The following MARCHF1 variants were observed in gnomAD, a reference collection of about 807,000 sequenced individuals.
MARCHF1 encodes the protein E3 ubiquitin-protein ligase MARCHF1.
Under a neutral mutation model 54.2 loss-of-function variants are expected in MARCHF1, and 40 were observed. The observed-to-expected ratio is 0.74, with a 90% CI of 0.57 to 0.96. The LOEUF (loss-of-function observed/expected upper bound fraction) is 0.96. Among genes scored for constraint, MARCHF1 ranks in the 40% least tolerant of loss-of-function variants. MARCHF1 has a pLI of 0.00. For missense variants in MARCHF1, 586 were observed against 656.5 expected, an observed-to-expected ratio of 0.89 and a Z score of 1.17; for synonymous variants, 236 against 236.3, an observed-to-expected ratio of 1.00 and a Z score of 0.01.
intron 1 of MARCHF1, among the ~76,000 whole-genome samples, chr4:164,327,644 G>C (rs570274426): frequency 1.3e-5 from 2 of 152,306 alleles, no homozygotes; most frequent in South Asian, 4.1e-4. Flanking sequence ...TGGAGGCTGA[G>C]AGGCCAGTTT....
At chr4:163,984,423 C>T (rs983689478) in intron 3 of MARCHF1, among the ~76,000 whole-genome samples, 3 of 152,072 alleles carry the variant, frequency 2.0e-5, no homozygotes, top group Non-Finnish European at 2.9e-5. Context: ...TTTTGTTTTT[C>T]CCTCTTAAGT....
chr4:163,850,234 G>A (rs534826675), intron 4 of MARCHF1, among the ~76,000 whole-genome samples: 8 of 152,276 alleles, frequency 5.3e-5, no homozygotes, highest in Non-Finnish European at 1.2e-4. Flanking sequence ...CCCCTTCAGG[G>A]GTCTGGGTCC....
chr4:164,147,386 C>T (rs1298750863), intron 1 of MARCHF1, among the ~76,000 whole-genome samples: 2 of 145,050 alleles, frequency 1.4e-5, no homozygotes, highest in East Asian at 4.0e-4. Flanking sequence ...ATGTTTATTG[C>T]AGCATTATTC....
At chr4:164,154,592 G>A (rs975961807) in intron 1 of MARCHF1, among the ~76,000 whole-genome samples, 3 of 152,182 alleles carry the variant, frequency 2.0e-5, no homozygotes, top group Non-Finnish European at 4.4e-5. Flanking sequence ...CTTACGGGAC[G>A]GGAAGCACGC....
chr4:163,756,946 T>C (rs1422463382), intron 4 of MARCHF1, among the ~76,000 whole-genome samples: 2 of 152,146 alleles, frequency 1.3e-5, no homozygotes, highest in African/African-American at 4.8e-5. Flanking sequence ...TAAATTTATT[T>C]CTTCAGAAAC....
intron 5 of MARCHF1, among the ~76,000 whole-genome samples, chr4:163,666,684 G>C (rs1361554894): frequency 6.6e-6 from 1 of 151,574 alleles, no homozygotes; most frequent in Non-Finnish European, 1.5e-5. Flanking sequence ...GACAGAAGAT[G>C]TCTTGTCACA....
intron 1 of MARCHF1, among the ~76,000 whole-genome samples, chr4:164,258,537 T>C (rs1490119887): frequency 6.6e-6 from 1 of 152,008 alleles, no homozygotes; most frequent in Non-Finnish European, 1.5e-5. Flanking sequence ...GGTTTGTAGG[T>C]CATTTTACCG....
At chr4:164,301,045 A>T (rs953080198) in intron 1 of MARCHF1, among the ~76,000 whole-genome samples, 2 of 152,106 alleles carry the variant, frequency 1.3e-5, no homozygotes, top group Non-Finnish European at 2.9e-5. Context: ...CTTCGGAAAG[A>T]TGCTATTTTT....
intron 1 of MARCHF1, among the ~76,000 whole-genome samples, chr4:164,236,688 GGT>G (rs997201017): frequency 1.3e-5 from 2 of 151,992 alleles, no homozygotes; most frequent in African/African-American, 4.8e-5. Context: ...AAGTGCCAAG[GGT>G]ATTGATTTTG....
Position 163,622,407 on chromosome 4 carries a change from T to C in MARCHF1, c.163-9014A>G, listed in dbSNP as rs533141305. Among the ~76,000 whole-genome samples the C allele has an allele frequency of 9.2e-5, 14 of 151,966 alleles. No homozygotes were observed. In the South Asian group the frequency reaches 2.5e-3, roughly 27 times the overall value. On this transcript the variant is annotated intron_variant, in intron 5 of 9. Transcript: ENST00000514618. ...GGAAGAAACCCTAAAAAACTGAATG[T>C]GATTAGCTTCTAAACTGGTAGAAAC...
chr4:163,892,033 T>C (rs1280342329), intron 3 of MARCHF1, among the ~76,000 whole-genome samples: 1 of 151,978 alleles, frequency 6.6e-6, no homozygotes, highest in Non-Finnish European at 1.5e-5. Context: ...AAAGAACAAA[T>C]TGAAAACCTC....
chr4:164,204,481 AT>A (rs1434178602), intron 1 of MARCHF1, among the ~76,000 whole-genome samples: 2 of 152,154 alleles, frequency 1.3e-5, no homozygotes, highest in Non-Finnish European at 2.9e-5. Flanking sequence ...AGCTTTTTAC[AT>A]TGTGTGAGTC....
chr4:163,866,598 C>G (rs1367688488), intron 3 of MARCHF1, among the ~76,000 whole-genome samples: 2 of 149,858 alleles, frequency 1.3e-5, no homozygotes, highest in African/African-American at 4.9e-5. Flanking sequence ...AACCGTTTAC[C>G]CAGAGGTAGT....
At chr4:164,343,767 C>T (rs116108949) in intron 1 of MARCHF1, among the ~76,000 whole-genome samples, 1,930 of 152,220 alleles carry the variant, frequency 0.013, 33 homozygotes, top group African/African-American at 0.044. Flanking sequence ...AACACTTATA[C>T]ATTGCTGATG....
At chr4:163,614,979 G>T (rs1741464548) in intron 5 of MARCHF1, among the ~76,000 whole-genome samples, 2 of 152,114 alleles carry the variant, frequency 1.3e-5, no homozygotes, top group Admixed American at 6.6e-5. Flanking sequence ...GCTAGAAAAT[G>T]AGTTCTAGAG....
At chr4:164,027,970 A>T (rs947957715) in intron 2 of MARCHF1, among the ~76,000 whole-genome samples, 3 of 152,192 alleles carry the variant, frequency 2.0e-5, no homozygotes, top group Non-Finnish European at 4.4e-5. Context: ...TGGCCAACAA[A>T]CGTGTGAGAA....
At chr4:164,141,629 T>C (rs926043363) in intron 1 of MARCHF1, among the ~76,000 whole-genome samples, 1 of 152,180 alleles carries the variant, frequency 6.6e-6, no homozygotes, top group African/African-American at 2.4e-5. Context: ...CACCTGGCGG[T>C]GCGCAAGCTT....
rs568801792 is a variant in MARCHF1, at chr4:163,571,355, T to C, written c.1191+14394A>G. Among the ~76,000 whole-genome samples the C allele has an allele frequency of 8.4e-4, 128 of 152,276 alleles. 1 individual carries two copies. Among genetic ancestry groups the C allele is most frequent in the Admixed American group, 5.2e-3 (79 of 15,276 alleles). ...GTCAGAAGATTCTGGTCTTGTCCAC[T>C]ACTAAAATCTTAGGCCAGGTACAAT... On this transcript the variant is annotated intron_variant, in intron 8 of 9. Transcript: ENST00000514618.
At chr4:163,982,489 G>C (rs1165164503) in intron 3 of MARCHF1, among the ~76,000 whole-genome samples, 1 of 152,206 alleles carries the variant, frequency 6.6e-6, no homozygotes, top group Non-Finnish European at 1.5e-5. Flanking sequence ...AACAAAGCAG[G>C]AAACTATTGC....
Sources: allele counts gnomAD v4.1 joint callset (sites outside exome capture counted in the v4.1 genomes callset), GRCh38; gene constraint gnomAD v4.1.1; transcripts MANE v1.5; gene names NCBI Gene and HGNC (gene_info 2026-07-23, HGNC 2026-07-21).